Variants in EFCAB6 observed in about 807,000 individuals in gnomAD.
EFCAB6 encodes EF-hand calcium-binding domain-containing protein 6.
Under a neutral mutation model 169.8 loss-of-function variants are expected in EFCAB6, and 156 were observed. That is an observed-to-expected ratio of 0.92 (90% CI 0.81 to 1.05). The LOEUF (loss-of-function observed/expected upper bound fraction) is 1.05, where lower values mean the gene tolerates loss of function less well. EFCAB6 is among the 50% of genes least tolerant of loss of function. The pLI, the probability that EFCAB6 is intolerant of heterozygous loss-of-function variation, is 0.00. For synonymous variants in EFCAB6, 698 were observed against 676.4 expected, an observed-to-expected ratio of 1.03 and a Z score of -0.50; for missense variants, 1,800 against 1,829.1, an observed-to-expected ratio of 0.98 and a Z score of 0.29.
chr22:43,807,926 G>A (rs1194628931), intron 2 of EFCAB6, among the ~76,000 whole-genome samples: 2 of 152,104 alleles, frequency 1.3e-5, no homozygotes, highest in South Asian at 2.1e-4. Flanking sequence ...AACCTTTGAC[G>A]TCAAGCAGGC....
rs553481904 is a variant in EFCAB6, at chr22:43,642,186, C to T, written c.1984-6970G>A. On this transcript the variant is annotated intron_variant, in intron 17 of 31. Coordinates refer to ENST00000262726, the MANE Select transcript of EFCAB6 (RefSeq NM_022785.4). Reference sequence around the variant, plus strand: ...AAACTCCCGACCGCAGGTTATCCACCCGCCTCGCCCTCCCAAAGTGCTGGG... The same window carrying T: ...AAACTCCCGACCGCAGGTTATCCACTCGCCTCGCCCTCCCAAAGTGCTGGG... Among the ~76,000 whole-genome samples, 12 of 152,300 alleles carry T rather than the reference C, an allele frequency of 7.9e-5. No homozygotes were observed. In the South Asian group the frequency reaches 2.3e-3, roughly 29 times the overall value.
intron 24 of EFCAB6, among the ~76,000 whole-genome samples, chr22:43,583,840 G>A (rs2050885226): frequency 1.3e-5 from 2 of 150,716 alleles, no homozygotes; most frequent in Non-Finnish European, 1.5e-5. Context: ...AATTTCTGTT[G>A]TTTATAAGCC....
chr22:43,653,216 G>A (rs1440077650), intron 17 of EFCAB6, among the ~76,000 whole-genome samples: 3 of 152,106 alleles, frequency 2.0e-5, no homozygotes, highest in African/African-American at 7.2e-5. Flanking sequence ...ACAGATACAA[G>A]AAGAACTGCA....
chr22:43,782,341 A>T lies in EFCAB6; in HGVS notation c.-7-16T>A. ...CATTAAATCCCTGTGATATAAAAGA[A>T]AACAGATTACGTTACCTTAAAGAGC... On this transcript the variant is annotated splice_polypyrimidine_tract_variant and intron_variant, in intron 2 of 31. Coordinates refer to ENST00000262726, the MANE Select transcript of EFCAB6 (RefSeq NM_022785.4). The T allele has an allele frequency of 6.2e-7, 1 of 1,608,670 alleles. No individual in the cohort carries two copies. The highest frequency in any genetic ancestry group is 1.7e-5 in the Admixed American group (1 of 58,740).
chr22:43,618,709 G>A (rs140595605), intron 20 of EFCAB6, among the ~76,000 whole-genome samples: 8 of 152,182 alleles, frequency 5.3e-5, no homozygotes, highest in African/African-American at 1.9e-4. Context: ...TAGGATGGAG[G>A]GCCTCTTCGG....
intron 17 of EFCAB6, among the ~76,000 whole-genome samples, chr22:43,638,696 G>C (rs2055592919): frequency 6.6e-6 from 1 of 152,058 alleles, no homozygotes; most frequent in Non-Finnish European, 1.5e-5. Context: ...TATACATTCT[G>C]AACTTTTCAC....
intron 25 of EFCAB6, 49 bp downstream of exon 25, chr22:43,580,415 C>T (rs1311163356): frequency 1.9e-6 from 3 of 1,591,944 alleles, no homozygotes; most frequent in Non-Finnish European, 8.6e-7. Context: ...GAGGTGTTTT[C>T]ATGAATCAAG....
chr22:43,711,388 CA>C (rs1445810137), intron 10 of EFCAB6, 86 bp downstream of exon 10: 5 of 1,340,444 alleles, frequency 3.7e-6, no homozygotes, highest in Middle Eastern at 2.6e-4. Context: ...AAGTCTAAAA[CA>C]TTAATAAAAA....
At position 43,614,018 on chromosome 22, in the gene EFCAB6, A is replaced by G. The variant is rs192376355; in HGVS notation, c.2562+1808T>C. ...CTGACGAGAAATGTTTAATGTTTGC[A>G]AAACCTAAATAGAGACATTCCATGT... On this transcript the variant is annotated intron_variant, in intron 21 of 31. Coordinates refer to ENST00000262726, the MANE Select transcript of EFCAB6 (RefSeq NM_022785.4). Among the ~76,000 whole-genome samples, 42 of 152,180 alleles carry G rather than the reference A, an allele frequency of 2.8e-4. 1 individual carries two copies. The highest frequency in any genetic ancestry group is 2.0e-3 in the Admixed American group (30 of 15,272).
At chr22:43,711,826 T>C (rs1168448725) in intron 9 of EFCAB6, among the ~76,000 whole-genome samples, 9 of 152,196 alleles carry the variant, frequency 5.9e-5, no homozygotes, top group African/African-American at 2.2e-4. Flanking sequence ...GCTACTCAAG[T>C]GACAAGGCAG....
intron 2 of EFCAB6, among the ~76,000 whole-genome samples, chr22:43,789,262 A>AT (rs1323633594): frequency 6.6e-6 from 1 of 152,160 alleles, no homozygotes; most frequent in East Asian, 1.9e-4. Context: ...AAGGATGTGA[A>AT]TTTTATGGTA....
chr22:43,736,249 G>C (rs1186412155), intron 6 of EFCAB6, among the ~76,000 whole-genome samples: 1 of 152,116 alleles, frequency 6.6e-6, no homozygotes, highest in Non-Finnish European at 1.5e-5. Context: ...AAAGCAGTAA[G>C]TCTCATACAC....
At chr22:43,598,463 C>T (rs2052229833) in intron 23 of EFCAB6, among the ~76,000 whole-genome samples, 1 of 151,216 alleles carries the variant, frequency 6.6e-6, no homozygotes, top group Non-Finnish European at 1.5e-5. Flanking sequence ...TACAAAAATG[C>T]AATTTAATAG....
At chr22:43,672,565 C>T (rs941483985) in intron 13 of EFCAB6, among the ~76,000 whole-genome samples, 14 of 152,146 alleles carry the variant, frequency 9.2e-5, no homozygotes, top group Non-Finnish European at 2.1e-4. Flanking sequence ...AGGCCATTAT[C>T]CTTAGCAAGC....
intron 16 of EFCAB6, 112 bp downstream of exon 16, chr22:43,668,757 TTTC>T (rs1294314957): frequency 5.9e-6 from 6 of 1,019,436 alleles, no homozygotes; most frequent in Admixed American, 3.7e-5. Context: ...GTGTGCCATC[TTTC>T]TTATTTATAA....
chr22:43,563,047 C>A (rs1427145047), intron 26 of EFCAB6, among the ~76,000 whole-genome samples: 1 of 152,200 alleles, frequency 6.6e-6, no homozygotes, highest in African/African-American at 2.4e-5. Context: ...TGGCCTGCGG[C>A]ACCAGGGCCA....
intron 21 of EFCAB6, among the ~76,000 whole-genome samples, chr22:43,611,784 T>A (rs539655660): frequency 4.7e-4 from 72 of 152,088 alleles, no homozygotes; most frequent in African/African-American, 1.6e-3. Flanking sequence ...GGTGACAGAG[T>A]GAGACCCTGT....
intron 24 of EFCAB6, among the ~76,000 whole-genome samples, chr22:43,583,232 A>G (rs1376191371): frequency 6.6e-6 from 1 of 151,746 alleles, no homozygotes; most frequent in African/African-American, 2.4e-5. Context: ...CCATCTATTC[A>G]TCTTACTCCC....
intron 18 of EFCAB6, among the ~76,000 whole-genome samples, chr22:43,634,079 G>C (rs2055191903): frequency 1.3e-5 from 2 of 152,164 alleles, no homozygotes; most frequent in Non-Finnish European, 2.9e-5. Flanking sequence ...CAGAGACGGA[G>C]TCCAGTTCCA....
Sources: gnomAD v4.1 joint callset for allele counts (sites outside exome capture counted in the v4.1 genomes callset) on GRCh38, gnomAD v4.1.1 for gene constraint, MANE v1.5 for transcripts, NCBI Gene and HGNC (gene_info 2026-07-23, HGNC 2026-07-21) for gene names.